TYRO3: variants seen among roughly 807,000 people sequenced by gnomAD.
TYRO3 encodes the protein TYRO3 protein tyrosine kinase, also known as tyrosine-protein kinase receptor TYRO3.
TYRO3 carries 38 observed loss-of-function variants against 95.2 expected under a neutral mutation model. That is an observed-to-expected ratio of 0.40 (90% CI 0.31 to 0.52). TYRO3 has a LOEUF of 0.52. Among genes scored for constraint, TYRO3 ranks in the 20% least tolerant of loss-of-function variants. The pLI is 0.56. For missense variants in TYRO3, 812 were observed against 1,116.4 expected (o/e 0.73, Z 3.89); for synonymous variants, 367 against 432.9 (o/e 0.85, Z 1.89).
chr15:41,572,352 G>C, intron 14 of TYRO3, 91 bp from the exon 15 acceptor site: 4 of 1,526,450 alleles, frequency 2.6e-6, no homozygotes, highest in Non-Finnish European at 3.5e-6. Flanking sequence ...GCCAGAGCTA[G>C]AGATGGGACC....
chr15:41,561,492 C>A, intron 2 of TYRO3, 47 bp from the exon 3 acceptor site: 1 of 1,545,042 alleles, frequency 6.5e-7, no homozygotes, highest in Non-Finnish European at 8.8e-7. Context: ...CCCAGCAGAG[C>A]TGCCGCCCTT....
chr15:41,566,322 A>T (rs1204727956), intron 6 of TYRO3, among the ~76,000 whole-genome samples: 9 of 914 alleles, frequency 9.8e-3, no homozygotes, highest in African/African-American at 0.016. Flanking sequence ...GTCTCTATTA[A>T]AAAAAAAAAA....
In TYRO3 at chr15:41,560,993, C is replaced by T. The variant is rs1262160423; in HGVS notation, c.125-134C>T. 9.1e-6 allele frequency: 10 copies of T among 1,103,648 alleles called. No homozygotes were observed. In the Admixed American group the frequency reaches 1.1e-4, roughly 12 times the overall value. 68.4% of individuals were successfully genotyped at this position (1,103,648 alleles called of 1,614,324 possible). On this transcript the variant is annotated intron_variant, in intron 1 of 18. Coordinates refer to ENST00000263798, the MANE Select transcript of TYRO3 (RefSeq NM_006293.4). ...CGACCTTCCCTTCCACACTGTCCTA[C>T]CTCTGCTTCCTTGACTTTGGCTGAG... is the stretch of plus-strand genomic sequence containing the variant.
rs748458593 is a variant in TYRO3 at position 41,582,788 on chromosome 15, C to T, written c.*4512C>T. On this transcript the variant is annotated 3_prime_UTR_variant, in exon 19 of 19. Transcript: ENST00000263798. ...TACAGAGATTCAAAGTTATTTTTCCCAGATACTTTTTATTGTCCCAATACC... is the reference window on the plus strand; with the variant it reads ...TACAGAGATTCAAAGTTATTTTTCCTAGATACTTTTTATTGTCCCAATACC... 1.3e-5 allele frequency: 2 copies of T among 151,868 alleles called. No homozygotes were observed. Among genetic ancestry groups the T allele is most frequent in the African/African-American group, 4.8e-5 (2 of 41,356 alleles). The allele number at this position is 151,868 out of a possible 1,614,324, so 9.4% of individuals were successfully genotyped here.
intron 17 of TYRO3, 83 bp downstream of exon 17, chr15:41,573,550 C>G (rs1595505273): frequency 6.4e-7 from 1 of 1,567,342 alleles, no homozygotes; most frequent in East Asian, 2.2e-5. Flanking sequence ...GCCAAGTCTG[C>G]TCTCTGGGGT....
intron 5 of TYRO3, among the ~76,000 whole-genome samples, chr15:41,564,559 G>A (rs1330476667): frequency 6.6e-6 from 1 of 152,168 alleles, no homozygotes; most frequent in Non-Finnish European, 1.5e-5. Context: ...CAAGGCCCAT[G>A]CCCAGCCTTG....
rs758799439 is a variant in TYRO3, at chr15:41,562,730, C to T, written c.580+12C>T. On this transcript the variant is annotated intron_variant, in intron 4 of 18. Transcript: ENST00000263798. ...TTTAAATGTAACAGGTGAGCAGCCTCAGAAGGGGGCTGGGAGTGGAGAAGG... is the reference window on the plus strand; with the variant it reads ...TTTAAATGTAACAGGTGAGCAGCCTTAGAAGGGGGCTGGGAGTGGAGAAGG... 1 of 1,557,096 alleles carries T rather than the reference C, an allele frequency of 6.4e-7. No individual in the cohort carries two copies. Among genetic ancestry groups the T allele is most frequent in the Non-Finnish European group, 8.8e-7 (1 of 1,140,426 alleles).
At chr15:41,565,582 CTTT>C (rs71104798) in intron 6 of TYRO3, among the ~76,000 whole-genome samples, 2 of 133,300 alleles carry the variant, frequency 1.5e-5, no homozygotes, top group Admixed American at 1.5e-4. Flanking sequence ...GCCCAGCTAA[CTTT>C]TTTTTTTTTT....
In TYRO3 at chr15:41,562,580, C is replaced by T; in HGVS notation, c.442C>T (p.Leu148=). Residue 148 remains leucine (L), a synonymous_variant, in exon 4 of 19, where the codon CTG becomes TTG. Coordinates refer to ENST00000263798, the MANE Select transcript of TYRO3 (RefSeq NM_006293.4). ...ATTTTTCACAGTGGAGCCAAAAGAT[C>T]TGGCAGTGCCACCCAATGCCCCTTT... ...VPFFTVEPKD[L]AVPPNAPFQL... 3 of 1,613,172 alleles carry T rather than the reference C, an allele frequency of 1.9e-6. No individual in the cohort carries two copies. The highest frequency in any genetic ancestry group is 2.5e-6 in the Non-Finnish European group (3 of 1,180,034).
At chr15:41,566,393 G>C (rs73391130) in intron 6 of TYRO3, among the ~76,000 whole-genome samples, 1 of 151,066 alleles carries the variant, frequency 6.6e-6, no homozygotes, top group African/African-American at 2.4e-5. Context: ...CCCTTTCCCC[G>C]GGGCAAAGAG....
intron 15 of TYRO3, among the ~76,000 whole-genome samples, 159 bp from the exon 16 acceptor site, chr15:41,572,843 C>A (rs2055814475): frequency 6.6e-6 from 1 of 152,208 alleles, no homozygotes; most frequent in South Asian, 2.1e-4. Flanking sequence ...CCCTCTTAGG[C>A]TAGCCGAAGC....
chr15:41,576,564 A>C (rs1227267811), intron 18 of TYRO3, among the ~76,000 whole-genome samples: 1 of 150,824 alleles, frequency 6.6e-6, no homozygotes, highest in African/African-American at 2.4e-5. Flanking sequence ...CCTGACCTCA[A>C]GTGATCCACC....
At chr15:41,566,485 C>T (rs1327087700) in intron 6 of TYRO3, among the ~76,000 whole-genome samples, 2 of 152,328 alleles carry the variant, frequency 1.3e-5, no homozygotes, top group East Asian at 1.9e-4. Context: ...TTCAGGATCT[C>T]TTGCCCTAAT....
intron 18 of TYRO3, chr15:41,574,652 C>G: frequency 2.2e-6 from 1 of 456,040 alleles, no homozygotes; most frequent in Non-Finnish European, 4.4e-6. Flanking sequence ...TTTGTCTGTT[C>G]TAGTCTTACA....
Position 41,571,191 on chromosome 15 carries a change from C to G in TYRO3, c.1660+73C>G, listed in dbSNP as rs536967534. 1.7e-5 allele frequency: 24 copies of G among 1,433,928 alleles called. No homozygotes were observed. In the East Asian group the frequency reaches 5.5e-4, roughly 33 times the overall value. The allele number at this position is 1,433,928 out of a possible 1,614,324, so 88.8% of individuals were successfully genotyped here. Reference sequence around the variant, plus strand: ...GAGGGGCGACTGACCCTGAAGCAGGCTCTGCTTTGCCCCTAGATTTTCCAA... The same window carrying G: ...GAGGGGCGACTGACCCTGAAGCAGGGTCTGCTTTGCCCCTAGATTTTCCAA... On this transcript the variant is annotated intron_variant, in intron 13 of 18. Coordinates refer to ENST00000263798, the MANE Select transcript of TYRO3 (RefSeq NM_006293.4).
chr15:41,563,831 G>A (rs996194808), intron 4 of TYRO3, among the ~76,000 whole-genome samples: 3 of 152,194 alleles, frequency 2.0e-5, no homozygotes, highest in African/African-American at 7.2e-5. Context: ...TCTGGTATGC[G>A]CAATAAAAGA....
rs537089706 is a variant in TYRO3, at chr15:41,562,530, A to G, written c.410-18A>G. The G allele has an allele frequency of 1.3e-6, 2 of 1,506,400 alleles. No homozygotes were observed. Among genetic ancestry groups the G allele is most frequent in the Admixed American group, 1.8e-5 (1 of 55,854 alleles). 93.3% of individuals were successfully genotyped at this position (1,506,400 alleles called of 1,614,324 possible). ...CAAGAGGTGGCAGGGCTCACTCCTC[A>G]CTCCCCTTCTCTCCTAGGTGTGCCA... On this transcript the variant is annotated intron_variant, in intron 3 of 18. Coordinates refer to ENST00000263798, the MANE Select transcript of TYRO3 (RefSeq NM_006293.4).
At chr15:41,562,386 G>A (rs903000525) in intron 3 of TYRO3, 162 bp from the exon 4 acceptor site, 28 of 391,108 alleles carry the variant, frequency 7.2e-5, no homozygotes, top group Middle Eastern at 7.3e-4. Flanking sequence ...GAGAAGCACC[G>A]CCTACCTCTC....
At chr15:41,572,769 AGGGCCCTT>A (rs2055813582) in intron 15 of TYRO3, among the ~76,000 whole-genome samples, 1 of 152,114 alleles carries the variant, frequency 6.6e-6, no homozygotes, top group Admixed American at 6.5e-5. Flanking sequence ...AGGCTGGGCA[AGGGCCCTT>A]TCTAGAGGGA....
Sources: allele counts gnomAD v4.1 joint callset (sites outside exome capture counted in the v4.1 genomes callset), GRCh38; gene constraint gnomAD v4.1.1; transcripts MANE v1.5; gene names NCBI Gene and HGNC (gene_info 2026-07-23, HGNC 2026-07-21).